The following RTEL1 variants were observed in gnomAD, a reference collection of about 807,000 sequenced individuals.
RTEL1 encodes the protein regulator of telomere elongation helicase 1.
In RTEL1, 86 loss-of-function variants were observed where a neutral mutation model predicts 162.2. The ratio of observed to expected loss-of-function variants is 0.53; its 90% confidence interval spans 0.45 to 0.63. The LOEUF (loss-of-function observed/expected upper bound fraction) is 0.63. Among genes scored for constraint, RTEL1 ranks in the 30% least tolerant of loss-of-function variants. The probability of loss-of-function intolerance (pLI) is 0.00; values close to 1 mark genes in which losing one functional copy is unlikely to be tolerated. For synonymous variants in RTEL1, 958 were observed against 717.9 expected, an observed-to-expected ratio of 1.33 and a Z score of -5.35; for missense variants, 1,941 against 1,750.2, an observed-to-expected ratio of 1.11 and a Z score of -1.95.
chr20:63,670,947 G>A (rs1232858402), intron 8 of RTEL1, among the ~76,000 whole-genome samples: 2 of 152,214 alleles, frequency 1.3e-5, no homozygotes, highest in South Asian at 2.1e-4. Context: ...CGTGGTACCC[G>A]AACACTAACA....
chr20:63,659,607 C>T, intron 2 of RTEL1, 103 bp downstream of exon 2: 1 of 843,102 alleles, frequency 1.2e-6, no homozygotes, highest in Non-Finnish European at 2.0e-6. Flanking sequence ...CCCCTCCGGG[C>T]CAGAGGCAGC....
chr20:63,663,441 C>CT (rs2090060694), intron 6 of RTEL1, among the ~76,000 whole-genome samples: 2 of 152,224 alleles, frequency 1.3e-5, no homozygotes, highest in Non-Finnish European at 1.5e-5. Flanking sequence ...GGGGCCTCTT[C>CT]TGGAGACGGG....
Position 63,688,551 on chromosome 20 carries a change from G to A in RTEL1, c.1746G>A (p.Met582Ile). The A allele has an allele frequency of 6.2e-7, 1 of 1,610,824 alleles. No individual in the cohort carries two copies. The highest frequency in any genetic ancestry group is 8.5e-7 in the Non-Finnish European group (1 of 1,179,586). ...AGGCCCGCGACTTGGCCAGGAAGATGGAGGCGCTGAAGCCGCTGTTTGTGG... is the reference window on the plus strand; with the variant it reads ...AGGCCCGCGACTTGGCCAGGAAGATAGAGGCGCTGAAGCCGCTGTTTGTGG... Reference protein sequence around the residue: ...FWRARDLARKMEALKPLFVEP... With the variant: ...FWRARDLARKIEALKPLFVEP... Residue 582 changes from methionine to isoleucine, a missense_variant, in exon 21 of 35, where the codon ATG (methionine) becomes ATA (isoleucine). By Grantham distance (10) the Met-to-Ile change is conservative (BLOSUM62 1). Coordinates refer to ENST00000360203, the MANE Select transcript of RTEL1 (RefSeq NM_001283009.2).
At chr20:63,693,413 G>A (rs1428819819) in intron 30 of RTEL1, 130 bp downstream of exon 30, 4 of 1,076,854 alleles carry the variant, frequency 3.7e-6, no homozygotes, top group East Asian at 2.6e-5. Context: ...CTATGGGAGT[G>A]ATGGGGGCCT....
chr20:63,694,638 C>A, intron 31 of RTEL1, 103 bp from the exon 32 acceptor site: 1 of 1,259,472 alleles, frequency 7.9e-7, no homozygotes, highest in Non-Finnish European at 1.1e-6. Context: ...CGCAGTTGTC[C>A]TGAGCAGCTC....
At chr20:63,677,771 G>A (rs1438292356) in intron 10 of RTEL1, among the ~76,000 whole-genome samples, 5 of 130,728 alleles carry the variant, frequency 3.8e-5, no homozygotes, top group Admixed American at 1.6e-4. Flanking sequence ...TGGCCTGCAC[G>A]GATTCTGTGT....
chr20:63,662,472 A>C lies in RTEL1; in HGVS notation c.396-74A>C, dbSNP rs1555899773. On this transcript the variant is annotated intron_variant, in intron 4 of 34. Transcript: ENST00000360203. ...CCGAGGCTCCTGCGTGTCTCCATAC[A>C]GCTCACGCTGCAGGGCCACGCTGTG... 5 of 1,595,042 alleles carry C rather than the reference A, an allele frequency of 3.1e-6. No homozygotes were observed. The highest frequency in any genetic ancestry group is 3.4e-6 in the Non-Finnish European group (4 of 1,171,406).
At position 63,687,824 on chromosome 20, in the gene RTEL1, G is replaced by A. The variant is rs2090631700; in HGVS notation, c.1481+54G>A. The A allele has an allele frequency of 3.2e-6, 5 of 1,555,770 alleles. No individual in the cohort carries two copies. In the African/African-American group the frequency reaches 4.1e-5, roughly 13 times the overall value. ...CACCGGTGACACCTCTGACATCAGC[G>A]GGGTGGAAGTGGTGGGGGTCCCCAT... On this transcript the variant is annotated intron_variant, in intron 17 of 34. Coordinates refer to ENST00000360203, the MANE Select transcript of RTEL1 (RefSeq NM_001283009.2).
chr20:63,667,926 C>T (rs1161641085), intron 8 of RTEL1, among the ~76,000 whole-genome samples: 1 of 151,866 alleles, frequency 6.6e-6, no homozygotes, highest in African/African-American at 2.4e-5. Flanking sequence ...AGCGCGTGCC[C>T]GGCCCCACAC....
chr20:63,684,431 G>A (rs1252832680), intron 14 of RTEL1, among the ~76,000 whole-genome samples: 1 of 152,128 alleles, frequency 6.6e-6, no homozygotes, highest in African/African-American at 2.4e-5. Flanking sequence ...TCGGCTCACT[G>A]CAAGCTCCGC....
chr20:63,692,697 G>A (rs746020353), intron 28 of RTEL1, 108 bp from the exon 29 acceptor site: 66 of 1,085,964 alleles, frequency 6.1e-5, no homozygotes, highest in Middle Eastern at 3.0e-4. Context: ...GCCCCACCTC[G>A]GCAGTCACTG....
intron 6 of RTEL1, among the ~76,000 whole-genome samples, chr20:63,663,299 T>A (rs900636184): frequency 6.6e-6 from 1 of 152,216 alleles, no homozygotes; most frequent in African/African-American, 2.4e-5. Flanking sequence ...TGGGAGGGTG[T>A]CCTGGAAGCC....
Position 63,693,296 on chromosome 20 carries a change from C to G in RTEL1, c.2992+13C>G, listed in dbSNP as rs200323578. The G allele has an allele frequency of 6.8e-6, 11 of 1,611,118 alleles. No individual in the cohort carries two copies. The highest frequency in any genetic ancestry group is 1.7e-4 in the Middle Eastern group (1 of 6,024). On this transcript the variant is annotated intron_variant, in intron 30 of 34. Coordinates refer to ENST00000360203, the MANE Select transcript of RTEL1 (RefSeq NM_001283009.2). ...CTGGACCCCACTGGTAAATGGGGCC[C>G]CAGGTGGGACCCTCAGACTCCTGCG...
In RTEL1 at chr20:63,689,764, G is replaced by T. The variant is rs144568600; in HGVS notation, c.2040G>T (p.Gln680His). The T allele has an allele frequency of 1.1e-4, 181 of 1,612,074 alleles. No individual in the cohort carries two copies. Among genetic ancestry groups the T allele is most frequent in the Non-Finnish European group, 1.5e-4 (178 of 1,179,732 alleles). Residue 680 changes from glutamine (Q) to histidine (H), a missense_variant, in exon 24 of 35, where the codon CAG becomes CAT. Coordinates refer to ENST00000360203, the MANE Select transcript of RTEL1 (RefSeq NM_001283009.2). Reference protein sequence around the residue: ...GGAGGQFLSGQEWYRQQASRA... With the variant: ...GGAGGQFLSGHEWYRQQASRA... ...TCGCCCCACAGTTCCTCTCTGGGCAGGAGTGGTACCGGCAGCAGGCGTCCA... is the reference window on the plus strand; with the variant it reads ...TCGCCCCACAGTTCCTCTCTGGGCATGAGTGGTACCGGCAGCAGGCGTCCA...
Position 63,693,147 on chromosome 20 carries a change from C to G in RTEL1, c.2856C>G (p.Phe952Leu). 6.2e-7 allele frequency: 1 copy of G among 1,612,226 alleles called. No homozygotes were observed. The highest frequency in any genetic ancestry group is 8.5e-7 in the Non-Finnish European group (1 of 1,179,586). ...CAGACGCCCCTTCCTCTACAGGCTTCTACCAGTTTGTGCGGCCCCACCATA... is the reference window on the plus strand; with the variant it reads ...CAGACGCCCCTTCCTCTACAGGCTTGTACCAGTTTGTGCGGCCCCACCATA... The part of the protein sequence containing the change: ...DPKKHNLLQG[F>L]YQFVRPHHKQ... The change falls in exon 30 of 35, where the codon TTC (phenylalanine) becomes TTG (leucine). Residue 952 changes from phenylalanine to leucine, a missense_variant. Transcript: ENST00000360203.
Position 63,687,722 on chromosome 20 carries a change from C to A in RTEL1, c.1433C>A (p.Thr478Asn), listed in dbSNP as rs2090629066. ...CAGGGCGTCCGCTCCCTCATCCTTA[C>A]CAGCGGCACGCTGGCCCCGGTGTCC... is the stretch of plus-strand genomic sequence containing the variant. The part of the protein sequence containing the change: ...VRQGVRSLIL[T>N]SGTLAPVSSF... Residue 478 changes from threonine to asparagine, a missense_variant, in exon 17 of 35, where the codon ACC (threonine) becomes AAC (asparagine). By Grantham distance (65) the Thr-to-Asn change is moderately conservative. Coordinates refer to ENST00000360203, the MANE Select transcript of RTEL1 (RefSeq NM_001283009.2). 1 of 1,598,838 alleles carries A rather than the reference C, an allele frequency of 6.3e-7. No homozygotes were observed. The highest frequency in any genetic ancestry group is 8.5e-7 in the Non-Finnish European group (1 of 1,174,412).
At chr20:63,658,629 C>T (rs529547735) in intron 1 of RTEL1, 163 bp downstream of exon 1, 2 of 152,450 alleles carry the variant, frequency 1.3e-5, no homozygotes, top group African/African-American at 4.8e-5. Flanking sequence ...TTCCTGCGCT[C>T]GTGGCGCTGG....
chr20:63,673,891 C>T, intron 9 of RTEL1, 49 bp from the exon 10 acceptor site: 3 of 1,544,722 alleles, frequency 1.9e-6, no homozygotes, highest in South Asian at 1.2e-5. Flanking sequence ...TTTCTGGAAC[C>T]CCCGATCCTG....
chr20:63,671,828 A>AC (rs1196946124), intron 8 of RTEL1, among the ~76,000 whole-genome samples: 1 of 151,348 alleles, frequency 6.6e-6, no homozygotes, highest in Non-Finnish European at 1.5e-5. Context: ...GCTGGACCCC[A>AC]CCCCAGATTG....
Sources: gnomAD v4.1 joint callset for allele counts (sites outside exome capture counted in the v4.1 genomes callset) on GRCh38, gnomAD v4.1.1 for gene constraint, MANE v1.5 for transcripts, NCBI Gene and HGNC (gene_info 2026-07-23, HGNC 2026-07-21) for gene names.